The following TSNARE1 variants were observed in gnomAD, a reference collection of about 807,000 sequenced individuals.
TSNARE1 encodes t-SNARE domain-containing protein 1.
TSNARE1 carries 49 observed loss-of-function variants against 62.0 expected under a neutral mutation model. The observed-to-expected ratio is 0.79, with a 90% CI of 0.63 to 1.00. TSNARE1 has a LOEUF of 1.00. Among genes scored for constraint, TSNARE1 ranks in the 50% least tolerant of loss-of-function variants. TSNARE1 has a pLI of 0.00. For missense variants in TSNARE1, 755 were observed against 700.1 expected (o/e 1.08, Z -0.88); for synonymous variants, 328 against 294.4 (o/e 1.11, Z -1.17).
chr8:142,276,625 C>T, intron 11 of TSNARE1: 2 of 985,418 alleles, frequency 2.0e-6, no homozygotes. Flanking sequence ...ACTTTCTCTG[C>T]CCCGTGACCA....
At chr8:142,395,621 G>A (rs1587150574) in intron 1 of TSNARE1, among the ~76,000 whole-genome samples, 1 of 152,240 alleles carries the variant, frequency 6.6e-6, no homozygotes. Flanking sequence ...AGAATTAAGG[G>A]GCCCAGGCTG....
At chr8:142,282,922 C>T (rs1821868701) in intron 11 of TSNARE1, among the ~76,000 whole-genome samples, 1 of 145,000 alleles carries the variant, frequency 6.9e-6, no homozygotes, top group Non-Finnish European at 1.5e-5. Context: ...TGTCAATGAG[C>T]GGAGGTGGGG....
chr8:142,279,848 A>G, intron 11 of TSNARE1: 1 of 1,026,210 alleles, frequency 9.7e-7, no homozygotes, highest in Non-Finnish European at 1.2e-6. Flanking sequence ...GCTGTGGGGA[A>G]GGCCCACTTA....
intron 6 of TSNARE1, among the ~76,000 whole-genome samples, chr8:142,325,651 G>A (rs1485738637): frequency 6.6e-6 from 1 of 152,164 alleles, no homozygotes; most frequent in Non-Finnish European, 1.5e-5. Flanking sequence ...AGGACCCTAA[G>A]TTAGCAGGAG....
intron 6 of TSNARE1, 30 bp from the exon 7 acceptor site, chr8:142,318,664 G>C (rs1474251769): frequency 6.2e-7 from 1 of 1,611,362 alleles, no homozygotes; most frequent in Non-Finnish European, 8.5e-7. Context: ...CAGGAGCGAA[G>C]GCAGGGGAGG....
rs1174125575 is a variant in TSNARE1, at chr8:142,274,856, A to AAT, written c.1369_1370dup (p.Glu458LeufsTer97). 1.3e-6 allele frequency: 2 copies of AAT among 1,566,614 alleles called. No individual in the cohort carries two copies. Among genetic ancestry groups the AAT allele is most frequent in the Middle Eastern group, 1.7e-4 (1 of 5,934 alleles). ...AGGACGCAGCCTCAAGGCTGGCTTC[A>AAT]ATACTATCTGCAAATCAAGACAACA... On this transcript the variant is annotated frameshift_variant, in exon 12 of 14. Transcript: ENST00000524325. LOFTEE classifies it high-confidence loss of function.
chr8:142,377,918 C>T (rs773936914), intron 1 of TSNARE1, among the ~76,000 whole-genome samples: 1 of 152,258 alleles, frequency 6.6e-6, no homozygotes, highest in Non-Finnish European at 1.5e-5. Flanking sequence ...GGTCTATACA[C>T]GTGTCTTTAG....
At chr8:142,381,093 C>T (rs1432481694) in intron 1 of TSNARE1, among the ~76,000 whole-genome samples, 1 of 152,266 alleles carries the variant, frequency 6.6e-6, no homozygotes, top group Admixed American at 6.5e-5. Context: ...TCAGGGCCGT[C>T]AGGGCCTTGC....
chr8:142,281,233 A>G (rs1423454101), intron 11 of TSNARE1, among the ~76,000 whole-genome samples: 1 of 152,060 alleles, frequency 6.6e-6, no homozygotes, highest in Non-Finnish European at 1.5e-5. Context: ...CGTGGGCACC[A>G]GGGGCAGCCT....
At chr8:142,271,823 G>A (rs577342607) in intron 12 of TSNARE1, 21 of 537,734 alleles carry the variant, frequency 3.9e-5, no homozygotes, top group Middle Eastern at 3.2e-4. Context: ...ACGATGCTCC[G>A]TCTGCAGTGG....
chr8:142,380,015 T>C (rs931707892), intron 1 of TSNARE1, among the ~76,000 whole-genome samples: 3 of 152,142 alleles, frequency 2.0e-5, no homozygotes, highest in African/African-American at 4.8e-5. Flanking sequence ...CAGGAGAACA[T>C]GTGGGTCTCG....
At chr8:142,283,363 T>C (rs112464230) in intron 11 of TSNARE1, among the ~76,000 whole-genome samples, 2,515 of 76,888 alleles carry the variant, frequency 0.033, 94 homozygotes, top group African/African-American at 0.1. Flanking sequence ...TGAGCGGAGG[T>C]GGGGCCAGTG....
At chr8:142,373,982 G>A (rs1052839105) in intron 1 of TSNARE1, among the ~76,000 whole-genome samples, 6 of 152,140 alleles carry the variant, frequency 3.9e-5, no homozygotes, top group Non-Finnish European at 7.4e-5. Context: ...AAGTCTCCAG[G>A]AGGCGTCAGT....
intron 1 of TSNARE1, among the ~76,000 whole-genome samples, chr8:142,401,868 T>G (rs1050872062): frequency 6.6e-6 from 1 of 152,214 alleles, no homozygotes; most frequent in Non-Finnish European, 1.5e-5. Flanking sequence ...TCGAACGGTA[T>G]GAAAGCAGCG....
At chr8:142,270,338 G>C in intron 12 of TSNARE1, 1 of 985,458 alleles carries the variant, frequency 1.0e-6, no homozygotes, top group Non-Finnish European at 1.2e-6. Context: ...CCGAGAAGCA[G>C]GCTCCAACTC....
chr8:142,270,355 T>G (rs2130475770), intron 12 of TSNARE1: 6 of 985,432 alleles, frequency 6.1e-6, no homozygotes, highest in Non-Finnish European at 7.2e-6. Flanking sequence ...ACTCACGTGC[T>G]CGTCAGCAGC....
intron 1 of TSNARE1, among the ~76,000 whole-genome samples, chr8:142,381,156 G>T (rs536049850): frequency 6.6e-6 from 1 of 152,354 alleles, no homozygotes; most frequent in Admixed American, 6.5e-5. Flanking sequence ...GCCAGAAGCT[G>T]CTCCCCTGGG....
rs149231972 is a variant in TSNARE1, at chr8:142,312,306, T to C, written c.1131+2078A>G. ...CACCTGTTGGTCAGTTTCTACTTCCTGTTTTTCCTTGGCTTTAGTAATTGG... is the reference window on the plus strand; with the variant it reads ...CACCTGTTGGTCAGTTTCTACTTCCCGTTTTTCCTTGGCTTTAGTAATTGG... On this transcript the variant is annotated intron_variant, in intron 9 of 13. Coordinates refer to ENST00000524325, the MANE Select transcript of TSNARE1 (RefSeq NM_145003.5). Among the ~76,000 whole-genome samples the C allele has an allele frequency of 4.2e-3, 642 of 152,358 alleles. 3 individuals are homozygous for C. The highest frequency in any genetic ancestry group is 7.6e-3 in the Non-Finnish European group (517 of 68,032).
chr8:142,273,051 G>A, intron 12 of TSNARE1: 10 of 985,430 alleles, frequency 1.0e-5, no homozygotes, highest in Non-Finnish European at 1.2e-5. Context: ...CCTGAGCCTT[G>A]CCCACCTCCT....
Sources: allele counts gnomAD v4.1 joint callset (sites outside exome capture counted in the v4.1 genomes callset), GRCh38; gene constraint gnomAD v4.1.1; transcripts MANE v1.5; gene names NCBI Gene and HGNC (gene_info 2026-07-23, HGNC 2026-07-21).